C2CD5: variants seen among roughly 807,000 people sequenced by gnomAD.
C2CD5 encodes C2 domain-containing protein 5.
A neutral mutation model predicts 130.3 loss-of-function variants in C2CD5; 109 were observed. The ratio of observed to expected loss-of-function variants is 0.84; its 90% confidence interval spans 0.72 to 0.98. C2CD5 has a LOEUF of 0.98. C2CD5 is among the 50% of genes least tolerant of loss of function. C2CD5 has a pLI of 0.00. For missense variants in C2CD5, 996 were observed against 1,261.8 expected, an observed-to-expected ratio of 0.79 and a Z score of 3.19; for synonymous variants, 454 against 429.2, an observed-to-expected ratio of 1.06 and a Z score of -0.71.
At chr12:22,540,374 C>T (rs1354595651) in intron 2 of C2CD5, among the ~76,000 whole-genome samples, 1 of 152,202 alleles carries the variant, frequency 6.6e-6, no homozygotes, top group Non-Finnish European at 1.5e-5. Flanking sequence ...GTATCTTTTA[C>T]TTACTTACCT....
intron 14 of C2CD5, among the ~76,000 whole-genome samples, chr12:22,482,140 G>A (rs138715436): frequency 2.0e-5 from 3 of 152,198 alleles, no homozygotes; most frequent in South Asian, 2.1e-4. Context: ...TGTCACAACT[G>A]GGGGGATGCT....
chr12:22,491,578 A>G (rs1946360483), intron 11 of C2CD5, among the ~76,000 whole-genome samples: 1 of 152,172 alleles, frequency 6.6e-6, no homozygotes, highest in African/African-American at 2.4e-5. Context: ...TATGCCTTCT[A>G]AAACCATATC....
At chr12:22,518,218 A>G (rs1949947632) in intron 7 of C2CD5, 81 bp from the exon 8 acceptor site, 5 of 1,351,618 alleles carry the variant, frequency 3.7e-6, no homozygotes, top group Middle Eastern at 1.8e-4. Context: ...AAACACCAGG[A>G]AAGAATTGGG....
In C2CD5 at chr12:22,493,349, A is replaced by G. The variant is rs186217428; in HGVS notation, c.1148-12T>C. The G allele has an allele frequency of 1.3e-6, 2 of 1,483,440 alleles. No homozygotes were observed. Among genetic ancestry groups the G allele is most frequent in the Admixed American group, 1.7e-5 (1 of 59,648 alleles). The allele number at this position is 1,483,440 out of a possible 1,614,324, so 91.9% of individuals were successfully genotyped here. On this transcript the variant is annotated splice_polypyrimidine_tract_variant and intron_variant, in intron 10 of 26. Transcript: ENST00000446597. ...AGTTTCTGGTTCATCTGAAAAATAA[A>G]TTTTAAATCAGTTTATTACTCAATA...
chr12:22,497,375 G>A (rs146195996), intron 10 of C2CD5, among the ~76,000 whole-genome samples: 106 of 151,978 alleles, frequency 7.0e-4, no homozygotes, highest in Non-Finnish European at 1.1e-3. Flanking sequence ...ATTATTCTAT[G>A]CATGTAACAA....
At chr12:22,510,298 A>G (rs185396111) in intron 9 of C2CD5, among the ~76,000 whole-genome samples, 88 of 144,236 alleles carry the variant, frequency 6.1e-4, no homozygotes, top group African/African-American at 2.6e-3. Context: ...ACTGCAGAAG[A>G]AATTTTCTCC....
rs762886837 is a variant in C2CD5, at chr12:22,535,276, C to T, written c.159G>A (p.Ser53=). 29 of 1,603,090 alleles carry T rather than the reference C, an allele frequency of 1.8e-5. No individual in the cohort carries two copies. Among genetic ancestry groups the T allele is most frequent in the Non-Finnish European group, 2.0e-5 (24 of 1,171,088 alleles). The change falls in exon 3 of 27, where the codon TCG becomes TCA. Residue 53 remains serine (S), a synonymous_variant. Coordinates refer to ENST00000446597, the MANE Select transcript of C2CD5 (RefSeq NM_001286176.2). Reference sequence around the variant, plus strand: ...AACTTACCTCAAATTTAAACCACTCCGAGTTCCACTGAGGGTTGAGTGACT... The same window carrying T: ...AACTTACCTCAAATTTAAACCACTCTGAGTTCCACTGAGGGTTGAGTGACT... ...YLKSLNPQWN[S]EWFKFEVDDE...
At chr12:22,542,957 A>C (rs1952546171) in intron 2 of C2CD5, among the ~76,000 whole-genome samples, 1 of 152,216 alleles carries the variant, frequency 6.6e-6, no homozygotes. Flanking sequence ...GAAAGCAAAC[A>C]CTATGTTTTA....
intron 10 of C2CD5, among the ~76,000 whole-genome samples, chr12:22,505,132 A>T (rs182529996): frequency 6.6e-6 from 1 of 152,172 alleles, no homozygotes; most frequent in East Asian, 1.9e-4. Context: ...ATCAAACTAC[A>T]GGGCATAAAT....
intron 8 of C2CD5, among the ~76,000 whole-genome samples, chr12:22,516,629 T>C (rs1949748440): frequency 6.6e-6 from 1 of 150,462 alleles, no homozygotes; most frequent in Non-Finnish European, 1.5e-5. Flanking sequence ...TTATCTGTGG[T>C]ATGGCAAAAA....
chr12:22,486,274 T>A (rs990632223), intron 12 of C2CD5, among the ~76,000 whole-genome samples: 1 of 151,904 alleles, frequency 6.6e-6, no homozygotes, highest in African/African-American at 2.4e-5. Flanking sequence ...CTGTGGTCAC[T>A]CATTCCCAGC....
At chr12:22,544,257 A>G in intron 1 of C2CD5, 63 bp downstream of exon 1, 2 of 1,067,108 alleles carry the variant, frequency 1.9e-6, no homozygotes, top group Middle Eastern at 2.6e-4. Flanking sequence ...GGTAACTGAC[A>G]GCGAAGGAGC....
intron 10 of C2CD5, among the ~76,000 whole-genome samples, chr12:22,503,252 T>C (rs893745214): frequency 2.0e-5 from 3 of 152,190 alleles, no homozygotes; most frequent in Non-Finnish European, 2.9e-5. Flanking sequence ...AAACACAACA[T>C]TTTTAACATT....
At chr12:22,477,847 T>C (rs1057101942) in intron 15 of C2CD5, among the ~76,000 whole-genome samples, 18 of 152,130 alleles carry the variant, frequency 1.2e-4, no homozygotes, top group African/African-American at 4.1e-4. Flanking sequence ...CCAATAAGAA[T>C]CTCTTTTTAC....
chr12:22,490,036 G>A (rs1565715947), intron 12 of C2CD5, 87 bp downstream of exon 12: 32 of 915,732 alleles, frequency 3.5e-5, no homozygotes, highest in Admixed American at 2.6e-4. Context: ...GCCACCCTAC[G>A]GAGAAGAATT....
Position 22,449,485 on chromosome 12 carries a change from A to T in C2CD5, c.*275T>A, listed in dbSNP as rs761455854. 2.3e-5 allele frequency: 6 copies of T among 257,424 alleles called. No homozygotes were observed. The highest frequency in any genetic ancestry group is 4.4e-5 in the African/African-American group (2 of 45,178). The allele number at this position is 257,424 out of a possible 1,614,324, so 15.9% of individuals were successfully genotyped here. A position where few individuals can be genotyped will look rare whatever the true frequency, so the allele number is the denominator to read the frequency against. The stretch of plus-strand genomic sequence containing the variant: ...AAATTATGATTTTATTAAAATCAAC[A>T]TAAATTACAAAGGTTCCATCTTTGC... On this transcript the variant is annotated 3_prime_UTR_variant, in exon 27 of 27. Transcript: ENST00000446597.
chr12:22,533,060 C>A (rs949267436), intron 3 of C2CD5, among the ~76,000 whole-genome samples: 11 of 152,110 alleles, frequency 7.2e-5, no homozygotes, highest in African/African-American at 2.7e-4. Context: ...ATTACACGCT[C>A]TTCTGGGCGT....
At chr12:22,462,579 A>G (rs940441101) in intron 22 of C2CD5, among the ~76,000 whole-genome samples, 1 of 152,222 alleles carries the variant, frequency 6.6e-6, no homozygotes. Context: ...GGTTAAAATC[A>G]GCTCAGTGGA....
At chr12:22,520,545 G>A (rs73076688) in intron 7 of C2CD5, among the ~76,000 whole-genome samples, 6,345 of 151,948 alleles carry the variant, frequency 0.042, 168 homozygotes, top group South Asian at 0.11. Context: ...ACAATTCATT[G>A]GTGATCTACT....
Sources: gnomAD v4.1 joint callset for allele counts (sites outside exome capture counted in the v4.1 genomes callset) on GRCh38, gnomAD v4.1.1 for gene constraint, MANE v1.5 for transcripts, NCBI Gene and HGNC (gene_info 2026-07-23, HGNC 2026-07-21) for gene names.